The following ADAM18 variants were observed in gnomAD, a reference collection of about 807,000 sequenced individuals.
The protein encoded by ADAM18 is ADAM metallopeptidase domain 18, also known as disintegrin and metalloproteinase domain-containing protein 18.
A neutral mutation model predicts 94.4 loss-of-function variants in ADAM18; 117 were observed. That is an observed-to-expected ratio of 1.24 (90% CI 1.07 to 1.45). The LOEUF (loss-of-function observed/expected upper bound fraction) is 1.45, where lower values mean the gene tolerates loss of function less well. ADAM18 is among the 40% of genes most tolerant of loss of function. The probability of loss-of-function intolerance (pLI) is 0.00; values close to 1 mark genes in which losing one functional copy is unlikely to be tolerated. For missense variants in ADAM18, 936 were observed against 880.0 expected, an observed-to-expected ratio of 1.06 and a Z score of -0.81; for synonymous variants, 327 against 291.6, an observed-to-expected ratio of 1.12 and a Z score of -1.24.
rs1402758776 is a variant in ADAM18 at position 39,621,368 on chromosome 8, G to A, written c.523-8006G>A. Among the ~76,000 whole-genome samples, 2 of 146,384 alleles carry A rather than the reference G, an allele frequency of 1.4e-5. 1 individual carries two copies. The highest frequency in any genetic ancestry group is 5.0e-5 in the African/African-American group (2 of 39,622). On this transcript the variant is annotated intron_variant, in intron 6 of 19. Transcript: ENST00000265707. The stretch of plus-strand genomic sequence containing the variant: ...ACACACACACACACACTGTACCCAT[G>A]TCAATGTCCTGGTTTTGATAAGTTT...
intron 17 of ADAM18, among the ~76,000 whole-genome samples, chr8:39,701,551 T>C (rs1308343260): frequency 1.3e-5 from 2 of 152,120 alleles, no homozygotes; most frequent in African/African-American, 4.8e-5. Context: ...TGAACATGTG[T>C]CATGGGAATT....
chr8:39,671,814 A>G (rs1209049843), intron 14 of ADAM18, among the ~76,000 whole-genome samples: 1 of 152,180 alleles, frequency 6.6e-6, no homozygotes, highest in East Asian at 1.9e-4. Context: ...GATGTGATGG[A>G]CTTTATAAAG....
At chr8:39,702,019 G>A (rs1822094604) in intron 17 of ADAM18, among the ~76,000 whole-genome samples, 1 of 152,178 alleles carries the variant, frequency 6.6e-6, no homozygotes, top group Admixed American at 6.5e-5. Context: ...TAGGATTGCT[G>A]GGTTGAATGG....
chr8:39,629,542 C>T, intron 7 of ADAM18, 103 bp downstream of exon 7: 1 of 722,460 alleles, frequency 1.4e-6, no homozygotes, highest in East Asian at 3.0e-5. Context: ...TCTCTTCCTC[C>T]TTCTTTCCCT....
chr8:39,656,201 A>T (rs1372133534), intron 12 of ADAM18, among the ~76,000 whole-genome samples: 1 of 152,144 alleles, frequency 6.6e-6, no homozygotes, highest in Non-Finnish European at 1.5e-5. Flanking sequence ...TCTTGAAAAA[A>T]AAAACAAATT....
intron 2 of ADAM18, among the ~76,000 whole-genome samples, chr8:39,590,320 T>C (rs1173839035): frequency 6.6e-6 from 1 of 151,978 alleles, no homozygotes. Context: ...TCATTCTCAG[T>C]AAACTATCGC....
At chr8:39,676,217 T>C (rs1821297165) in intron 14 of ADAM18, among the ~76,000 whole-genome samples, 1 of 152,234 alleles carries the variant, frequency 6.6e-6, no homozygotes, top group Admixed American at 6.5e-5. Context: ...GCAGAAGTTG[T>C]CTGCTGTCTT....
At chr8:39,696,290 T>G (rs1821926053) in intron 17 of ADAM18, among the ~76,000 whole-genome samples, 1 of 72,996 alleles carries the variant, frequency 1.4e-5, no homozygotes, top group Non-Finnish European at 2.6e-5. Context: ...TATTAATTCC[T>G]TATCATATAT....
At chr8:39,700,700 T>C (rs1007280332) in intron 17 of ADAM18, among the ~76,000 whole-genome samples, 1 of 152,166 alleles carries the variant, frequency 6.6e-6, no homozygotes, top group African/African-American at 2.4e-5. Context: ...GTTTCTATGA[T>C]ATTAACAAGG....
intron 17 of ADAM18, among the ~76,000 whole-genome samples, chr8:39,700,391 G>A (rs919236856): frequency 6.6e-6 from 1 of 152,100 alleles, no homozygotes; most frequent in African/African-American, 2.4e-5. Context: ...TTGGTCAGAT[G>A]TATGTGACAA....
chr8:39,611,158 C>T, intron 6 of ADAM18: 2 of 885,196 alleles, frequency 2.3e-6, no homozygotes, highest in Non-Finnish European at 1.4e-6. Context: ...TCTTTCAGCA[C>T]TTTGAATATT....
rs142610985 is a variant in ADAM18 at position 39,723,760 on chromosome 8, C to T, written c.2030C>T (p.Thr677Ile). The T allele has an allele frequency of 2.1e-4, 321 of 1,513,546 alleles. No individual in the cohort carries two copies. The Middle Eastern group carries it at 5.5e-3, about 26-fold the overall frequency. The allele number at this position is 1,513,546 out of a possible 1,614,324, so 93.8% of individuals were successfully genotyped here. A position where few individuals can be genotyped will look rare whatever the true frequency, so the allele number is the denominator to read the frequency against. ...GNFQKSGDFY[T>I]EKGYNTHWNN... The stretch of plus-strand genomic sequence containing the variant: ...GATTCATTTCTAGGTGACTTTTATA[C>T]TGAAAAAGGCTACAATACACACTGG... The change falls in exon 19 of 20, where the codon ACT (threonine) becomes ATT (isoleucine). Residue 677 changes from threonine to isoleucine, a missense_variant. Coordinates refer to ENST00000265707, the MANE Select transcript of ADAM18 (RefSeq NM_014237.3).
At chr8:39,585,498 A>G (rs1818371036) in intron 2 of ADAM18, 146 bp downstream of exon 2, 2 of 607,886 alleles carry the variant, frequency 3.3e-6, no homozygotes, top group Non-Finnish European at 5.7e-6. Context: ...CCGTGTTTTG[A>G]TCCTCTTGTT....
intron 10 of ADAM18, among the ~76,000 whole-genome samples, chr8:39,640,914 T>G (rs540286155): frequency 6.6e-6 from 1 of 152,208 alleles, no homozygotes; most frequent in South Asian, 2.1e-4. Flanking sequence ...AGATGCTGGA[T>G]AGTAGACCTT....
intron 19 of ADAM18, among the ~76,000 whole-genome samples, chr8:39,724,214 G>A (rs1822838583): frequency 6.6e-6 from 1 of 151,618 alleles, no homozygotes; most frequent in African/African-American, 2.4e-5. Flanking sequence ...TTACACATTG[G>A]TGTTGGTTTT....
At chr8:39,707,766 T>C (rs1451769683) in intron 18 of ADAM18, among the ~76,000 whole-genome samples, 4 of 152,174 alleles carry the variant, frequency 2.6e-5, no homozygotes, top group African/African-American at 9.6e-5. Context: ...TTTGTAAGTA[T>C]ACATATACAT....
intron 14 of ADAM18, among the ~76,000 whole-genome samples, chr8:39,675,984 A>G (rs928490858): frequency 2.6e-5 from 4 of 152,196 alleles, no homozygotes; most frequent in Admixed American, 2.0e-4. Flanking sequence ...ATTGCAGAAC[A>G]GCAAATATTG....
chr8:39,725,654 T>A (rs149253694), intron 19 of ADAM18, among the ~76,000 whole-genome samples: 1,802 of 152,338 alleles, frequency 0.012, 22 homozygotes, highest in Admixed American at 0.022. Flanking sequence ...GTCCTCTACA[T>A]CTATTCATGA....
At chr8:39,599,878 G>GTT (rs1010161470) in intron 2 of ADAM18, among the ~76,000 whole-genome samples, 6 of 144,396 alleles carry the variant, frequency 4.2e-5, no homozygotes, top group Non-Finnish European at 7.7e-5. Flanking sequence ...AAAAATTTGT[G>GTT]TTTTTTTTTT....
Sources: allele counts gnomAD v4.1 joint callset (sites outside exome capture counted in the v4.1 genomes callset), GRCh38; gene constraint gnomAD v4.1.1; transcripts MANE v1.5; gene names NCBI Gene and HGNC (gene_info 2026-07-23, HGNC 2026-07-21).